Variants in EFCAB11 observed in about 807,000 individuals in gnomAD.
The protein encoded by EFCAB11 is EF-hand calcium binding domain 11.
In EFCAB11, 14 loss-of-function variants were observed where a neutral mutation model predicts 23.0. That is an observed-to-expected ratio of 0.61 (90% confidence interval 0.40 to 0.95). EFCAB11 has a LOEUF of 0.95. Among genes scored for constraint, EFCAB11 ranks in the 40% least tolerant of loss-of-function variants. The probability of loss-of-function intolerance (pLI) is 0.00; values close to 1 mark genes in which losing one functional copy is unlikely to be tolerated. For synonymous variants in EFCAB11, 65 were observed against 66.6 expected, an observed-to-expected ratio of 0.98 and a Z score of 0.11; for missense variants, 198 against 195.8, an observed-to-expected ratio of 1.01 and a Z score of -0.07.
chr14:89,899,747 G>A (rs973872428), intron 5 of EFCAB11, among the ~76,000 whole-genome samples: 2 of 152,156 alleles, frequency 1.3e-5, no homozygotes, highest in Non-Finnish European at 2.9e-5. Context: ...TGTAAGTAAT[G>A]AGAAAAATTA....
intron 3 of EFCAB11, among the ~76,000 whole-genome samples, chr14:89,937,789 A>G (rs1185076594): frequency 1.3e-5 from 2 of 152,164 alleles, no homozygotes; most frequent in African/African-American, 4.8e-5. Flanking sequence ...CTCATAAAGT[A>G]CTGGGATTAC....
intron 3 of EFCAB11, among the ~76,000 whole-genome samples, chr14:89,939,547 C>T (rs74823944): frequency 0.031 from 4,739 of 152,296 alleles, 105 homozygotes; most frequent in South Asian, 0.067. Context: ...TCATTTACCG[C>T]CTCTTTTCTC....
At chr14:89,876,659 T>C (rs1468968006) in intron 5 of EFCAB11, among the ~76,000 whole-genome samples, 3 of 151,624 alleles carry the variant, frequency 2.0e-5, no homozygotes, top group Non-Finnish European at 1.5e-5. Context: ...CAAGGAAGAG[T>C]TGAAGAGAAA....
intron 5 of EFCAB11, among the ~76,000 whole-genome samples, chr14:89,871,098 A>G (rs1157136939): frequency 6.6e-6 from 1 of 152,166 alleles, no homozygotes; most frequent in Non-Finnish European, 1.5e-5. Context: ...GGGTCTTGAA[A>G]TGTGGATTTT....
At chr14:89,933,613 T>C (rs2139813419) in intron 3 of EFCAB11, among the ~76,000 whole-genome samples, 1 of 152,366 alleles carries the variant, frequency 6.6e-6, no homozygotes, top group Non-Finnish European at 1.5e-5. Flanking sequence ...CTGTCTCTTT[T>C]TAAATGATTC....
chr14:89,811,863 G>A (rs763915394), intron 5 of EFCAB11, among the ~76,000 whole-genome samples: 1 of 152,152 alleles, frequency 6.6e-6, no homozygotes, highest in Non-Finnish European at 1.5e-5. Context: ...GTGGCAATAG[G>A]AATCTAATAC....
intron 5 of EFCAB11, among the ~76,000 whole-genome samples, chr14:89,798,879 C>A (rs1233418835): frequency 2.0e-5 from 3 of 152,198 alleles, no homozygotes; most frequent in African/African-American, 7.2e-5. Context: ...CTCCGCCTCT[C>A]CGGCTCAAGC....
At chr14:89,866,636 G>A (rs1888100918) in intron 5 of EFCAB11, among the ~76,000 whole-genome samples, 1 of 152,160 alleles carries the variant, frequency 6.6e-6, no homozygotes, top group Non-Finnish European at 1.5e-5. Flanking sequence ...GGCTGACCCA[G>A]CCTTGATCTC....
chr14:89,929,358 GTTT>G (rs1890311031), intron 5 of EFCAB11, among the ~76,000 whole-genome samples: 1 of 152,008 alleles, frequency 6.6e-6, no homozygotes, highest in African/African-American at 2.4e-5. Context: ...CCGAATTTCT[GTTT>G]TTAATAATTG....
intron 5 of EFCAB11, among the ~76,000 whole-genome samples, chr14:89,907,037 G>T (rs1329750966): frequency 6.6e-6 from 1 of 152,110 alleles, no homozygotes; most frequent in Non-Finnish European, 1.5e-5. Flanking sequence ...TCCTTCAGAA[G>T]TAGAAACTGA....
At chr14:89,946,393 G>A (rs1422529177) in intron 3 of EFCAB11, among the ~76,000 whole-genome samples, 1 of 152,076 alleles carries the variant, frequency 6.6e-6, no homozygotes, top group African/African-American at 2.4e-5. Context: ...TGGGCTTCTA[G>A]GCAACACAGA....
At chr14:89,814,073 A>C (rs1305122286) in intron 5 of EFCAB11, among the ~76,000 whole-genome samples, 1 of 129,328 alleles carries the variant, frequency 7.7e-6, no homozygotes, top group African/African-American at 2.6e-5. Context: ...TGGGGGGAGA[A>C]AAAAAAAACT....
chr14:89,888,960 A>C (rs1436593424), intron 5 of EFCAB11, among the ~76,000 whole-genome samples: 1 of 152,236 alleles, frequency 6.6e-6, no homozygotes, highest in Non-Finnish European at 1.5e-5. Context: ...AAAATACCAA[A>C]AGGGAAATAC....
At chr14:89,874,992 C>T (rs1888390515) in intron 5 of EFCAB11, among the ~76,000 whole-genome samples, 1 of 152,164 alleles carries the variant, frequency 6.6e-6, no homozygotes, top group African/African-American at 2.4e-5. Context: ...CAAAGTTCCA[C>T]AGATCTTTGG....
intron 5 of EFCAB11, among the ~76,000 whole-genome samples, chr14:89,832,726 A>C (rs2140116104): frequency 6.6e-6 from 1 of 152,330 alleles, no homozygotes; most frequent in East Asian, 1.9e-4. Context: ...CATTTAACAC[A>C]AAGCCTAGTT....
At chr14:89,817,560 A>G (rs1886374588) in intron 5 of EFCAB11, among the ~76,000 whole-genome samples, 1 of 152,166 alleles carries the variant, frequency 6.6e-6, no homozygotes, top group Admixed American at 6.5e-5. Context: ...TGCTTACTTT[A>G]TACCATAAAA....
At chr14:89,945,273 C>A (rs953652401) in intron 3 of EFCAB11, among the ~76,000 whole-genome samples, 3 of 151,860 alleles carry the variant, frequency 2.0e-5, no homozygotes, top group Non-Finnish European at 4.4e-5. Context: ...CTTATTTACT[C>A]TTTTTTGTAG....
chr14:89,887,782 A>C (rs1195127113), intron 5 of EFCAB11, among the ~76,000 whole-genome samples: 1 of 152,254 alleles, frequency 6.6e-6, no homozygotes, highest in African/African-American at 2.4e-5. Flanking sequence ...AAAGCAGGTG[A>C]CTATGAACAG....
intron 5 of EFCAB11, among the ~76,000 whole-genome samples, chr14:89,802,207 TAAA>T (rs35720736): frequency 1.0e-4 from 14 of 136,062 alleles, no homozygotes; most frequent in Non-Finnish European, 9.4e-5. Context: ...CCAAGTTACT[TAAA>T]AAAAAAAAAA....
Sources: gnomAD v4.1 joint callset for allele counts (sites outside exome capture counted in the v4.1 genomes callset) on GRCh38, gnomAD v4.1.1 for gene constraint, MANE v1.5 for transcripts, NCBI Gene and HGNC (gene_info 2026-07-23, HGNC 2026-07-21) for gene names.